The following SCYL3 variants were observed in gnomAD, a reference collection of about 807,000 sequenced individuals.
The protein encoded by SCYL3 is SCY1 like pseudokinase 3.
SCYL3 carries 35 observed loss-of-function variants against 73.8 expected under a neutral mutation model. That is an observed-to-expected ratio of 0.47 (90% CI 0.36 to 0.63). SCYL3 has a LOEUF of 0.63. SCYL3 is among the 20% of genes least tolerant of loss of function. The probability of loss-of-function intolerance (pLI) is 0.00; values close to 1 mark genes in which losing one functional copy is unlikely to be tolerated. For missense variants in SCYL3, 712 were observed against 798.9 expected (o/e 0.89, Z 1.31); for synonymous variants, 277 against 295.2 (o/e 0.94, Z 0.63).
intron 2 of SCYL3, among the ~76,000 whole-genome samples, chr1:169,882,814 T>C (rs1460523489): frequency 1.3e-5 from 2 of 152,140 alleles, no homozygotes; most frequent in Non-Finnish European, 2.9e-5. Flanking sequence ...AGAACCTTTG[T>C]GTCTAGCTCA....
intron 2 of SCYL3, among the ~76,000 whole-genome samples, chr1:169,884,528 C>T (rs1661536761): frequency 6.6e-6 from 1 of 152,224 alleles, no homozygotes; most frequent in South Asian, 2.1e-4. Flanking sequence ...AAACTCCTGA[C>T]CTCAGGTGAT....
intron 10 of SCYL3, among the ~76,000 whole-genome samples, chr1:169,860,471 G>T (rs1659549822): frequency 6.6e-6 from 1 of 152,202 alleles, no homozygotes; most frequent in Admixed American, 6.5e-5. Context: ...TTTGGTTTTG[G>T]TCTTAGCTCT....
chr1:169,856,714 T>A (rs1197143724), intron 11 of SCYL3, among the ~76,000 whole-genome samples: 1 of 152,104 alleles, frequency 6.6e-6, no homozygotes, highest in Non-Finnish European at 1.5e-5. Flanking sequence ...GTTCTCCACC[T>A]CTCTTTCAGG....
At chr1:169,893,584 C>A (rs1053794995) in intron 1 of SCYL3, among the ~76,000 whole-genome samples, 8 of 152,064 alleles carry the variant, frequency 5.3e-5, no homozygotes, top group African/African-American at 1.7e-4. Flanking sequence ...ACAGGGCGCC[C>A]CACAATCAGC....
At chr1:169,883,615 A>T (rs1042071408) in intron 2 of SCYL3, among the ~76,000 whole-genome samples, 1 of 151,978 alleles carries the variant, frequency 6.6e-6, no homozygotes, top group Non-Finnish European at 1.5e-5. Context: ...CATACCCTGC[A>T]TTGGTATAAT....
rs370167469 is a variant in SCYL3 at position 169,878,837 on chromosome 1, G to A, written c.166-18C>T. 8.2e-6 allele frequency: 13 copies of A among 1,592,712 alleles called. No homozygotes were observed. Among genetic ancestry groups the A allele is most frequent in the South Asian group, 3.4e-5 (3 of 88,034 alleles). ...TTCAAATGCTTTAAAAATACAAACC[G>A]AAGAGCTGAAGTTAATGACCCCAAA... On this transcript the variant is annotated intron_variant, in intron 2 of 12. Coordinates refer to ENST00000367771, the MANE Select transcript of SCYL3 (RefSeq NM_020423.7).
At chr1:169,881,479 T>C (rs1178185959) in intron 2 of SCYL3, among the ~76,000 whole-genome samples, 1 of 152,172 alleles carries the variant, frequency 6.6e-6, no homozygotes, top group East Asian at 1.9e-4. Flanking sequence ...ATACAATCGA[T>C]TACTGTAAAC....
chr1:169,875,454 A>G (rs1205737123), intron 4 of SCYL3, among the ~76,000 whole-genome samples: 2 of 152,216 alleles, frequency 1.3e-5, no homozygotes, highest in African/African-American at 4.8e-5. Context: ...ACAGTCCACT[A>G]GGAGTTAAGA....
At chr1:169,869,185 CT>C in intron 6 of SCYL3, 146 bp from the exon 7 acceptor site, 4 of 633,260 alleles carry the variant, frequency 6.3e-6, no homozygotes, top group Admixed American at 2.6e-5. Context: ...TCCTGCTTGC[CT>C]TAGGCAAAAC....
Position 169,862,653 on chromosome 1 carries a change from T to C in SCYL3, c.1100A>G (p.His367Arg). The stretch of plus-strand genomic sequence containing the variant: ...TTTCTTCAGCTGCTCCTGAGTGAAG[T>C]GCTCCACGTAGGCCTCGATGTGAGA... ...LLSHIEAYVEHFTQEQLKKVI... is the reference protein window; with the variant it reads ...LLSHIEAYVERFTQEQLKKVI... Residue 367 changes from histidine to arginine, a missense_variant, in exon 10 of 13, where the codon CAC (histidine) becomes CGC (arginine). Coordinates refer to ENST00000367771, the MANE Select transcript of SCYL3 (RefSeq NM_020423.7). The C allele has an allele frequency of 6.2e-7, 1 of 1,614,166 alleles. No individual in the cohort carries two copies. Among genetic ancestry groups the C allele is most frequent in the Non-Finnish European group, 8.5e-7 (1 of 1,180,020 alleles).
intron 2 of SCYL3, among the ~76,000 whole-genome samples, chr1:169,881,522 C>G (rs557429913): frequency 1.3e-5 from 2 of 152,248 alleles, no homozygotes; most frequent in African/African-American, 4.8e-5. Context: ...AACACTAGAT[C>G]TTATATCTTC....
Position 169,868,937 on chromosome 1 carries a change from T to A in SCYL3, c.728A>T (p.Asp243Val). ...CACCAGATGCCCTCACCTGAAGAAGTCATGAGATAGTAAGGTGCAGAGCGC... is the reference window on the plus strand; with the variant it reads ...CACCAGATGCCCTCACCTGAAGAAGACATGAGATAGTAAGGTGCAGAGCGC... ...RPALCTLLSH[D>V]FFRNDFLEVV... The change falls in exon 7 of 13, where the codon GAC becomes GTC. Residue 243 changes from aspartate to valine, a missense_variant. Around this residue, in one of 2 missense-constraint regions of SCYL3, gnomAD observed 342 missense variants for 448.1 expected, o/e 0.76. Coordinates refer to ENST00000367771, the MANE Select transcript of SCYL3 (RefSeq NM_020423.7). 6.2e-7 allele frequency: 1 copy of A among 1,613,136 alleles called. No homozygotes were observed. The highest frequency in any genetic ancestry group is 8.5e-7 in the Non-Finnish European group (1 of 1,179,242).
At chr1:169,856,738 C>T (rs1659204419) in intron 11 of SCYL3, among the ~76,000 whole-genome samples, 1 of 152,160 alleles carries the variant, frequency 6.6e-6, no homozygotes, top group Non-Finnish European at 1.5e-5. Flanking sequence ...ACTTAATTTC[C>T]TATTTCCCTT....
At chr1:169,856,054 A>C in intron 11 of SCYL3, 2 of 998,178 alleles carry the variant, frequency 2.0e-6, no homozygotes, top group Non-Finnish European at 3.0e-6. Context: ...AAATGGGTAT[A>C]TTTTTATACA....
At chr1:169,888,186 G>A (rs760216490) in intron 2 of SCYL3, among the ~76,000 whole-genome samples, 5 of 152,120 alleles carry the variant, frequency 3.3e-5, no homozygotes, top group Admixed American at 6.5e-5. Context: ...CATTTTTTCT[G>A]ATAAGAGGCC....
At chr1:169,886,658 C>T (rs530391413) in intron 2 of SCYL3, among the ~76,000 whole-genome samples, 4 of 152,138 alleles carry the variant, frequency 2.6e-5, no homozygotes, top group Non-Finnish European at 5.9e-5. Context: ...CAACCAAATT[C>T]GGGCTTAGAA....
chr1:169,886,016 A>T (rs1215848840), intron 2 of SCYL3, among the ~76,000 whole-genome samples: 1 of 152,048 alleles, frequency 6.6e-6, no homozygotes, highest in African/African-American at 2.4e-5. Context: ...ATAATTTCTT[A>T]AAAAGTCAAC....
At chr1:169,859,460 T>A (rs10753797) in intron 10 of SCYL3, among the ~76,000 whole-genome samples, 139,634 of 152,266 alleles carry the variant, frequency 0.92, 64,273 homozygotes, top group East Asian at 1. Context: ...ATATGTTGGG[T>A]ACATAAAATT....
intron 10 of SCYL3, among the ~76,000 whole-genome samples, chr1:169,861,318 CTT>C (rs371975646): frequency 6.6e-6 from 1 of 151,562 alleles, no homozygotes; most frequent in East Asian, 1.9e-4. Flanking sequence ...TTCTTTTGCC[CTT>C]TTTTTTTCTT....
Sources: allele counts gnomAD v4.1 joint callset (sites outside exome capture counted in the v4.1 genomes callset), GRCh38; gene constraint gnomAD v4.1.1; regional missense constraint gnomAD v4.1.1; transcripts MANE v1.5; gene names NCBI Gene and HGNC (gene_info 2026-07-23, HGNC 2026-07-21).